Variants in RALYL observed in about 807,000 individuals in gnomAD.
RALYL encodes RALY RNA binding protein like.
In RALYL, 29 loss-of-function variants were observed where a neutral mutation model predicts 35.1. The observed-to-expected ratio is 0.83, with a 90% CI of 0.61 to 1.13. RALYL has a LOEUF of 1.13. Among genes scored for constraint, RALYL ranks in the 50% most tolerant of loss-of-function variants. The pLI, the probability that RALYL is intolerant of heterozygous loss-of-function variation, is 0.00. For synonymous variants in RALYL, 120 were observed against 127.6 expected (o/e 0.94, Z 0.40); for missense variants, 359 against 360.4 (o/e 1.00, Z 0.03).
chr8:84,272,081 CTTTGT>C (rs908934459), intron 1 of RALYL, among the ~76,000 whole-genome samples: 4 of 151,082 alleles, frequency 2.6e-5, no homozygotes, highest in African/African-American at 9.7e-5. Context: ...TTTTTTGGTT[CTTTGT>C]TTTGTTTTAT....
chr8:84,699,205 A>G (rs1839769056), intron 2 of RALYL, among the ~76,000 whole-genome samples: 1 of 152,126 alleles, frequency 6.6e-6, no homozygotes, highest in African/African-American at 2.4e-5. Context: ...ATTTCTCATC[A>G]GGATTCCCTA....
At chr8:84,441,084 A>G (rs902143441) in intron 1 of RALYL, among the ~76,000 whole-genome samples, 2 of 152,034 alleles carry the variant, frequency 1.3e-5, no homozygotes, top group Non-Finnish European at 2.9e-5. Flanking sequence ...ATAGGTATGT[A>G]GTAGTGGTGT....
intron 1 of RALYL, among the ~76,000 whole-genome samples, chr8:84,463,302 A>G (rs1285765530): frequency 6.6e-6 from 1 of 152,012 alleles, no homozygotes; most frequent in Non-Finnish European, 1.5e-5. Context: ...GACATGGACA[A>G]CATCCTGTAT....
At chr8:84,432,033 A>C (rs979920333) in intron 1 of RALYL, among the ~76,000 whole-genome samples, 11 of 152,186 alleles carry the variant, frequency 7.2e-5, no homozygotes, top group Non-Finnish European at 1.0e-4. Flanking sequence ...GGTTCTTCAA[A>C]ATGTAAATAT....
intron 2 of RALYL, among the ~76,000 whole-genome samples, chr8:84,689,334 T>C (rs1484007204): frequency 6.6e-6 from 1 of 152,216 alleles, no homozygotes; most frequent in Admixed American, 6.6e-5. Context: ...CGGTGTTTGG[T>C]TTTTTGTTCT....
intron 1 of RALYL, among the ~76,000 whole-genome samples, chr8:84,287,347 AAAT>A (rs1837838369): frequency 3.4e-4 from 2 of 5,886 alleles, no homozygotes; most frequent in Non-Finnish European, 5.8e-4. Flanking sequence ...GAAATCGTCA[AAAT>A]CACAAAAAGT....
chr8:84,548,640 G>A (rs1032954434), intron 2 of RALYL, among the ~76,000 whole-genome samples: 4 of 152,264 alleles, frequency 2.6e-5, no homozygotes, highest in East Asian at 1.9e-4. Flanking sequence ...AAGGGATAAA[G>A]TAAGGCAGAA....
At chr8:84,502,676 C>A (rs749940555) in intron 1 of RALYL, among the ~76,000 whole-genome samples, 2 of 151,812 alleles carry the variant, frequency 1.3e-5, no homozygotes, top group Non-Finnish European at 2.9e-5. Flanking sequence ...TCCCAATCTC[C>A]ATGAATAAGC....
intron 1 of RALYL, among the ~76,000 whole-genome samples, chr8:84,272,516 C>T (rs999330555): frequency 1.3e-5 from 2 of 152,190 alleles, no homozygotes; most frequent in Non-Finnish European, 2.9e-5. Flanking sequence ...ACTTGGTAAA[C>T]TTACTGTGAT....
chr8:84,342,295 T>TATATATATATATATATAAAA (rs1053647755), intron 1 of RALYL, among the ~76,000 whole-genome samples: 2 of 119,680 alleles, frequency 1.7e-5, no homozygotes, highest in Admixed American at 8.4e-5. Context: ...TATATATATA[T>TATATATATATATATATAAAA]AAAACTCAAA....
intron 1 of RALYL, among the ~76,000 whole-genome samples, chr8:84,205,636 G>A (rs551063779): frequency 1.3e-5 from 2 of 152,134 alleles, no homozygotes; most frequent in Non-Finnish European, 2.9e-5. Flanking sequence ...ATTAGCACTA[G>A]TTATCAATAA....
intron 1 of RALYL, among the ~76,000 whole-genome samples, chr8:84,513,912 A>C (rs1047198703): frequency 1.3e-5 from 2 of 152,012 alleles, no homozygotes; most frequent in African/African-American, 4.8e-5. Flanking sequence ...CCTGGCCAAC[A>C]TGGTGAAACC....
At chr8:84,396,676 C>A (rs1407313576) in intron 1 of RALYL, among the ~76,000 whole-genome samples, 2 of 151,758 alleles carry the variant, frequency 1.3e-5, no homozygotes, top group Non-Finnish European at 2.9e-5. Flanking sequence ...TTAGTAATGT[C>A]CACCTATTTT....
At chr8:84,417,660 C>G (rs317954) in intron 1 of RALYL, among the ~76,000 whole-genome samples, 79,353 of 151,588 alleles carry the variant, frequency 0.52, 20,945 homozygotes, top group South Asian at 0.62. Context: ...CAGATATCAA[C>G]AGTGTGGATT....
At chr8:84,507,293 T>C (rs1416036073) in intron 1 of RALYL, among the ~76,000 whole-genome samples, 1 of 152,136 alleles carries the variant, frequency 6.6e-6, no homozygotes, top group African/African-American at 2.4e-5. Context: ...TCATAATAAT[T>C]CTGGGTTTGT....
intron 2 of RALYL, among the ~76,000 whole-genome samples, chr8:84,644,325 T>G (rs1827020725): frequency 6.6e-6 from 1 of 152,086 alleles, no homozygotes; most frequent in South Asian, 2.1e-4. Flanking sequence ...AATTTATTAT[T>G]CATACACTTA....
At chr8:84,442,127 A>T (rs2048390630) in intron 1 of RALYL, among the ~76,000 whole-genome samples, 1 of 152,084 alleles carries the variant, frequency 6.6e-6, no homozygotes, top group Non-Finnish European at 1.5e-5. Context: ...ATGGAAATGC[A>T]TTTGGGATGT....
intron 1 of RALYL, among the ~76,000 whole-genome samples, chr8:84,493,982 C>T (rs2055665444): frequency 6.6e-6 from 1 of 152,042 alleles, no homozygotes; most frequent in African/African-American, 2.4e-5. Context: ...TTTGCCCATG[C>T]CTATGTCCTG....
At chr8:84,664,953 G>A (rs543674020) in intron 2 of RALYL, among the ~76,000 whole-genome samples, 1 of 152,150 alleles carries the variant, frequency 6.6e-6, no homozygotes, top group Non-Finnish European at 1.5e-5. Context: ...CATGATATTG[G>A]TTGTGGGTTT....
Sources: allele counts gnomAD v4.1 joint callset (sites outside exome capture counted in the v4.1 genomes callset), GRCh38; gene constraint gnomAD v4.1.1; transcripts MANE v1.5; gene names NCBI Gene and HGNC (gene_info 2026-07-23, HGNC 2026-07-21).